SBF2: variants seen among roughly 807,000 people sequenced by gnomAD.
The protein encoded by SBF2 is myotubularin-related protein 13.
SBF2 carries 112 observed loss-of-function variants against 225.2 expected under a neutral mutation model. The ratio of observed to expected loss-of-function variants is 0.50; its 90% CI spans 0.43 to 0.58. The LOEUF is 0.58. Among genes scored for constraint, SBF2 ranks in the 20% least tolerant of loss-of-function variants. The probability of loss-of-function intolerance (pLI) is 0.00; values close to 1 mark genes in which losing one functional copy is unlikely to be tolerated. For synonymous variants in SBF2, 763 were observed against 773.3 expected, an observed-to-expected ratio of 0.99 and a Z score of 0.22; for missense variants, 1,996 against 2,206.2, an observed-to-expected ratio of 0.90 and a Z score of 1.91.
At chr11:10,092,963 T>TA (rs1363149468) in intron 2 of SBF2, among the ~76,000 whole-genome samples, 2 of 152,018 alleles carry the variant, frequency 1.3e-5, no homozygotes, top group African/African-American at 2.4e-5. Context: ...AGAATACATT[T>TA]ACACTGTGTA....
chr11:10,209,291 T>C (rs1179229321), intron 1 of SBF2, among the ~76,000 whole-genome samples: 1 of 140,384 alleles, frequency 7.1e-6, no homozygotes, highest in Non-Finnish European at 1.5e-5. Flanking sequence ...CCTACAATGC[T>C]CTCCTCTCCA....
At chr11:9,864,164 T>C (rs1455524260) in intron 17 of SBF2, among the ~76,000 whole-genome samples, 1 of 152,220 alleles carries the variant, frequency 6.6e-6, no homozygotes, top group Non-Finnish European at 1.5e-5. Flanking sequence ...TTTAGTTAAA[T>C]GGGATGACTA....
At chr11:10,205,669 G>C (rs992378863) in intron 1 of SBF2, among the ~76,000 whole-genome samples, 2 of 152,052 alleles carry the variant, frequency 1.3e-5, no homozygotes, top group Admixed American at 1.3e-4. Context: ...CAGCCACAGT[G>C]ATAATAAGCA....
At chr11:9,933,878 T>G (rs1864686007) in intron 16 of SBF2, among the ~76,000 whole-genome samples, 1 of 152,098 alleles carries the variant, frequency 6.6e-6, no homozygotes, top group African/African-American at 2.4e-5. Flanking sequence ...AGGGGCTGGT[T>G]TTTTGAAAAG....
Position 9,858,360 on chromosome 11 carries a change from A to C in SBF2, c.1966T>G (p.Cys656Gly), listed in dbSNP as rs760746974. 30 of 1,614,194 alleles carry C rather than the reference A, an allele frequency of 1.9e-5. No individual in the cohort carries two copies. The South Asian group carries it at 2.9e-4, about 15-fold the overall frequency. ...GTCCAAATGGGGTGGTCTTGTACAC[A>C]CGTGTAAGCAAACTGGCTGACTCCA... ...APGVSQFAYT[C>G]VQDHPIWTNQ... The change falls in exon 18 of 40, where the codon TGT becomes GGT. Residue 656 changes from cysteine to glycine, a missense_variant. Transcript: ENST00000256190.
intron 16 of SBF2, among the ~76,000 whole-genome samples, chr11:9,953,100 A>G (rs1865954117): frequency 6.6e-6 from 1 of 152,100 alleles, no homozygotes; most frequent in Admixed American, 6.5e-5. Flanking sequence ...TGCAATTGCA[A>G]AAATGCGGAG....
intron 2 of SBF2, among the ~76,000 whole-genome samples, chr11:10,047,706 G>A (rs1273534383): frequency 2.6e-5 from 4 of 152,080 alleles, no homozygotes; most frequent in African/African-American, 4.8e-5. Context: ...AAGTAAGATC[G>A]ACATGATTTC....
intron 2 of SBF2, among the ~76,000 whole-genome samples, chr11:10,078,272 T>C (rs1235839331): frequency 6.6e-6 from 1 of 152,228 alleles, no homozygotes; most frequent in Non-Finnish European, 1.5e-5. Flanking sequence ...AGTGATCCCA[T>C]TACTGGGTAT....
Position 10,273,083 on chromosome 11 carries a change from AAAT to A in SBF2, c.55+20929_55+20931del, listed in dbSNP as rs201724611. Among the ~76,000 whole-genome samples the A allele has an allele frequency of 2.1e-3, 308 of 143,460 alleles. 2 individuals are homozygous for A. The highest frequency in any genetic ancestry group is 7.8e-3 in the African/African-American group (269 of 34,272). The allele number at this position is 143,460 out of a possible 152,430, so 94.1% of individuals were successfully genotyped here. The stretch of plus-strand genomic sequence containing the variant: ...AGACTCCGTCTCCGAAAAAAAAAAT[AAAT>A]AAATAAATAAATAAATGAATAAATA... On this transcript the variant is annotated intron_variant, in intron 1 of 39. Transcript: ENST00000256190.
chr11:9,959,229 AGTCCCTGCAATC>A (rs1866398321), intron 16 of SBF2: 1 of 776,534 alleles, frequency 1.3e-6, no homozygotes, highest in Non-Finnish European at 2.4e-6. Flanking sequence ...CCTCAGCATT[AGTCCCTGCAATC>A]TTGACTCCAG....
intron 2 of SBF2, among the ~76,000 whole-genome samples, chr11:10,189,985 C>T (rs985057365): frequency 2.0e-5 from 3 of 152,032 alleles, no homozygotes; most frequent in Non-Finnish European, 4.4e-5. Context: ...AACCCTGTCT[C>T]TACTAAAAAT....
At chr11:9,883,611 T>C (rs1311182159) in intron 17 of SBF2, among the ~76,000 whole-genome samples, 5 of 152,194 alleles carry the variant, frequency 3.3e-5, no homozygotes, top group African/African-American at 1.2e-4. Context: ...ATTATTATTA[T>C]ATTTTATGAG....
intron 25 of SBF2, 83 bp downstream of exon 25, chr11:9,842,542 G>A: frequency 7.1e-7 from 1 of 1,412,408 alleles, no homozygotes; most frequent in South Asian, 1.2e-5. Flanking sequence ...TGTGAATCAA[G>A]ATGTAAGTGC....
intron 17 of SBF2, among the ~76,000 whole-genome samples, chr11:9,893,511 G>A (rs1861001792): frequency 6.6e-6 from 1 of 152,190 alleles, no homozygotes; most frequent in South Asian, 2.1e-4. Context: ...TCCTAGTTCT[G>A]GTGTACTTTC....
At chr11:10,242,444 A>G (rs1001245822) in intron 1 of SBF2, among the ~76,000 whole-genome samples, 5 of 152,258 alleles carry the variant, frequency 3.3e-5, no homozygotes, top group African/African-American at 1.2e-4. Flanking sequence ...GCAATACAAA[A>G]CAAAAATAAC....
chr11:10,265,859 G>C (rs1191475663), intron 1 of SBF2, among the ~76,000 whole-genome samples: 20 of 43,122 alleles, frequency 4.6e-4, no homozygotes, highest in African/African-American at 1.2e-3. Flanking sequence ...CAGGCTAATT[G>C]TGTGTGTGTG....
rs1443502950 is a variant in SBF2 at position 9,993,116 on chromosome 11, G to A, written c.1054-13C>T. 3.2e-6 allele frequency: 5 copies of A among 1,571,618 alleles called. No homozygotes were observed. The highest frequency in any genetic ancestry group is 4.4e-6 in the Non-Finnish European group (5 of 1,145,650). On this transcript the variant is annotated splice_polypyrimidine_tract_variant and intron_variant, in intron 10 of 39. Transcript: ENST00000256190. ...GCACCTCTTTATCCTAAAAATATAA[G>A]AAGAAATGTTAGGTAATTTAACTTT...
intron 21 of SBF2, among the ~76,000 whole-genome samples, chr11:9,850,827 T>C (rs934359425): frequency 2.0e-5 from 3 of 152,226 alleles, no homozygotes; most frequent in African/African-American, 7.2e-5. Flanking sequence ...TAGATCTATA[T>C]GTGTTAACAT....
chr11:10,009,805 G>A (rs1334664345), intron 6 of SBF2, among the ~76,000 whole-genome samples: 1 of 152,118 alleles, frequency 6.6e-6, no homozygotes, highest in Non-Finnish European at 1.5e-5. Context: ...TGGTATTTCT[G>A]GTTCTAGATA....
Sources: gnomAD v4.1 joint callset for allele counts (sites outside exome capture counted in the v4.1 genomes callset) on GRCh38, gnomAD v4.1.1 for gene constraint, MANE v1.5 for transcripts, NCBI Gene and HGNC (gene_info 2026-07-23, HGNC 2026-07-21) for gene names.